The following MTAP variants were observed in gnomAD, a reference collection of about 807,000 sequenced individuals.
MTAP encodes S-methyl-5'-thioadenosine phosphorylase.
In MTAP, 33 loss-of-function variants were observed where a neutral mutation model predicts 33.6. The ratio of observed to expected loss-of-function variants is 0.98; its 90% CI spans 0.74 to 1.31. The LOEUF (loss-of-function observed/expected upper bound fraction) is 1.31. Ranked by LOEUF, MTAP falls within the 40% of genes most tolerant of loss-of-function variation. MTAP has a pLI of 0.00. For synonymous variants in MTAP, 148 were observed against 125.7 expected (o/e 1.18, Z -1.19); for missense variants, 367 against 360.0 (o/e 1.02, Z -0.16).
Position 21,859,378 on chromosome 9 carries a change from C to G in MTAP, c.766C>G (p.Pro256Ala). ...KAKSLLLTTI[P>A]QIGSTEWSET... The stretch of plus-strand genomic sequence containing the variant: ...CAAAAGCTTACTGCTCACTACCATA[C>G]CTCAGATAGGGTCCACAGAATGGTC... Residue 256 changes from proline to alanine, a missense_variant, in exon 7 of 8, where the codon CCT becomes GCT. Transcript: ENST00000644715. 1 of 1,613,576 alleles carries G rather than the reference C, an allele frequency of 6.2e-7. No individual in the cohort carries two copies. Among genetic ancestry groups the G allele is most frequent in the Non-Finnish European group, 8.5e-7 (1 of 1,179,744 alleles).
chr9:21,824,893 T>G (rs979929000), intron 4 of MTAP, among the ~76,000 whole-genome samples: 1 of 152,186 alleles, frequency 6.6e-6, no homozygotes, highest in Non-Finnish European at 1.5e-5. Flanking sequence ...CGTGGGACCC[T>G]CCGAGCTATG....
chr9:21,843,847 A>G (rs1825312887), intron 5 of MTAP, among the ~76,000 whole-genome samples: 2 of 152,206 alleles, frequency 1.3e-5, no homozygotes, highest in East Asian at 1.9e-4. Context: ...AACTAGAAAA[A>G]CAAGAACAAA....
At chr9:21,803,540 G>C (rs1824124867) in intron 1 of MTAP, among the ~76,000 whole-genome samples, 1 of 152,116 alleles carries the variant, frequency 6.6e-6, no homozygotes, top group Non-Finnish European at 1.5e-5. Flanking sequence ...TTGATACAAG[G>C]GGTCATTGTG....
intron 6 of MTAP, 140 bp downstream of exon 6, chr9:21,855,010 TC>T (rs1245015583): frequency 5.9e-5 from 70 of 1,178,336 alleles, no homozygotes; most frequent in Non-Finnish European, 1.5e-5. Flanking sequence ...TTTCTGTAGT[TC>T]CATTGGAAGG....
downstream of MTAP, chr9:21,936,111 A>G (rs551347466): frequency 1.3e-5 from 2 of 152,350 alleles, no homozygotes; most frequent in East Asian, 3.9e-4. Context: ...AGATCAATGT[A>G]TAGGAGATCT....
intron 4 of MTAP, among the ~76,000 whole-genome samples, chr9:21,822,668 C>G (rs749119242): frequency 5.3e-5 from 8 of 152,130 alleles, no homozygotes; most frequent in Non-Finnish European, 8.8e-5. Flanking sequence ...GAGCTGAATT[C>G]AATTCCTGGA....
Position 21,854,737 on chromosome 9 carries a change from T to C in MTAP, c.557T>C (p.Phe186Ser). Residue 186 changes from phenylalanine to serine, a missense_variant, in exon 6 of 8, where the codon TTC becomes TCC. Phe to Ser is a radical substitution (Grantham distance 155). Coordinates refer to ENST00000644715, the MANE Select transcript of MTAP (RefSeq NM_002451.4). The stretch of plus-strand genomic sequence containing the variant: ...AGCTCCCGGGCAGAAAGCTTCATGT[T>C]CCGCACCTGGGGGGCGGATGTTATC... ...RFSSRAESFMFRTWGADVINM... is the reference protein window; with the variant it reads ...RFSSRAESFMSRTWGADVINM... 1 of 1,614,180 alleles carries C rather than the reference T, an allele frequency of 6.2e-7. No homozygotes were observed. Among genetic ancestry groups the C allele is most frequent in the Non-Finnish European group, 8.5e-7 (1 of 1,180,000 alleles).
intron 1 of MTAP, among the ~76,000 whole-genome samples, chr9:21,924,811 C>A (rs1280492819): frequency 2.0e-5 from 3 of 152,214 alleles, no homozygotes; most frequent in Non-Finnish European, 4.4e-5. Flanking sequence ...TACTAGAGTT[C>A]AGACTCCATT....
At chr9:21,817,361 T>G (rs1443599064) in intron 3 of MTAP, among the ~76,000 whole-genome samples, 2 of 151,960 alleles carry the variant, frequency 1.3e-5, no homozygotes, top group Non-Finnish European at 2.9e-5. Flanking sequence ...TGGTCAGAAG[T>G]CTGGCACAGC....
At chr9:21,912,650 T>C (rs1818599780) in intron 1 of MTAP, among the ~76,000 whole-genome samples, 2 of 152,206 alleles carry the variant, frequency 1.3e-5, no homozygotes, top group Admixed American at 1.3e-4. Context: ...ATAAGAGCTA[T>C]TTATGACAAA....
chr9:21,840,282 G>T (rs945434132), intron 5 of MTAP, among the ~76,000 whole-genome samples: 1 of 151,616 alleles, frequency 6.6e-6, no homozygotes, highest in African/African-American at 2.4e-5. Context: ...AGGACGGACA[G>T]AATAGCATAT....
At chr9:21,824,989 T>A (rs1307163579) in intron 4 of MTAP, among the ~76,000 whole-genome samples, 2 of 152,160 alleles carry the variant, frequency 1.3e-5, no homozygotes, top group Admixed American at 6.5e-5. Context: ...ATTTTCCAGG[T>A]GCCGTCTGTC....
At chr9:21,940,025 A>C (rs1819110500), downstream of MTAP, among the ~76,000 whole-genome samples, 1 of 152,222 alleles carries the variant, frequency 6.6e-6, no homozygotes. Flanking sequence ...TCACGCCTGT[A>C]ATCCCAGCAC....
In MTAP at chr9:21,853,034, T is replaced by A. The variant is rs557496954; in HGVS notation, c.451-1597T>A. On this transcript the variant is annotated intron_variant, in intron 5 of 7. Coordinates refer to ENST00000644715, the MANE Select transcript of MTAP (RefSeq NM_002451.4). ...CTGTATTTGATATTTTTTGCTGCCTTAAGATAGTGTTAGCTGTTCTTGAAG... is the reference window on the plus strand; with the variant it reads ...CTGTATTTGATATTTTTTGCTGCCTAAAGATAGTGTTAGCTGTTCTTGAAG... Among the ~76,000 whole-genome samples the A allele has an allele frequency of 1.2e-4, 18 of 152,330 alleles. No homozygotes were observed. In the South Asian group the frequency reaches 3.7e-3, roughly 32 times the overall value.
At chr9:21,818,272 G>GGAACC in intron 4 of MTAP, 70 bp downstream of exon 4, 1 of 1,466,658 alleles carries the variant, frequency 6.8e-7, no homozygotes, top group South Asian at 1.2e-5. Flanking sequence ...ACGACGCGTG[G>GGAACC]GAACCGGCAG....
chr9:21,874,821 A>AT (rs1324366258), intron 1 of MTAP, among the ~76,000 whole-genome samples: 3 of 150,482 alleles, frequency 2.0e-5, no homozygotes, highest in Non-Finnish European at 4.4e-5. Flanking sequence ...TACATTAGGT[A>AT]TTTTTCCTAA....
intron 1 of MTAP, among the ~76,000 whole-genome samples, chr9:21,880,882 A>G: frequency 6.6e-6 from 1 of 151,678 alleles, no homozygotes; most frequent in Middle Eastern, 3.2e-3. Context: ...TCTCAATGGC[A>G]TTTTTTTTGC....
Position 21,810,885 on chromosome 9 carries a change from G to T in MTAP, c.34-4548G>T, listed in dbSNP as rs1327334516. ...AGCTATCCCTGTGGACCCTATTGCA[G>T]GTTTTTAACAGTCCTCACAGCCTGA... On this transcript the variant is annotated intron_variant, in intron 1 of 7. Transcript: ENST00000644715. Among the ~76,000 whole-genome samples, 2 of 152,152 alleles carry T rather than the reference G, an allele frequency of 1.3e-5. 1 individual carries two copies. Among genetic ancestry groups the T allele is most frequent in the Non-Finnish European group, 2.9e-5 (2 of 68,026 alleles).
intron 4 of MTAP, among the ~76,000 whole-genome samples, chr9:21,820,025 G>A (rs1406396673): frequency 6.6e-6 from 1 of 152,126 alleles, no homozygotes; most frequent in Non-Finnish European, 1.5e-5. Context: ...TGAGTTCTTT[G>A]TAGATTCTGG....
Sources: allele counts gnomAD v4.1 joint callset (sites outside exome capture counted in the v4.1 genomes callset), GRCh38; gene constraint gnomAD v4.1.1; transcripts MANE v1.5; gene names NCBI Gene and HGNC (gene_info 2026-07-23, HGNC 2026-07-21).